Variants in FKTN observed in about 807,000 individuals in gnomAD.
The protein encoded by FKTN is ribitol-5-phosphate transferase FKTN.
FKTN carries 47 observed loss-of-function variants against 58.6 expected under a neutral mutation model. The observed-to-expected ratio is 0.80, with a 90% CI of 0.63 to 1.02. The LOEUF (loss-of-function observed/expected upper bound fraction) is 1.02. Ranked by LOEUF, FKTN falls within the 50% of genes least tolerant of loss-of-function variation. FKTN has a pLI of 0.00. For missense variants in FKTN, 516 were observed against 537.3 expected, an observed-to-expected ratio of 0.96 and a Z score of 0.39; for synonymous variants, 178 against 191.9, an observed-to-expected ratio of 0.93 and a Z score of 0.60.
chr9:105,598,532 A>G (rs1361452165), intron 4 of FKTN: 1 of 152,652 alleles, frequency 6.6e-6, no homozygotes, highest in Non-Finnish European at 1.5e-5. Context: ...TTATGGTCTC[A>G]GCATAATCTC....
At chr9:105,618,865 C>T (rs892875238) in intron 9 of FKTN, among the ~76,000 whole-genome samples, 3 of 151,678 alleles carry the variant, frequency 2.0e-5, no homozygotes, top group East Asian at 1.9e-4. Context: ...GTCAGGAGAT[C>T]GAGACCACAG....
In FKTN at chr9:105,635,145, T is replaced by C. The variant is rs199918689; in HGVS notation, c.1267T>C (p.Tyr423His). 6.2e-7 allele frequency: 1 copy of C among 1,614,092 alleles called. No homozygotes were observed. The highest frequency in any genetic ancestry group is 8.5e-7 in the Non-Finnish European group (1 of 1,179,922). Reference protein sequence around the residue: ...CETLEYIEANYGKTWKIPVKT... With the variant: ...CETLEYIEANHGKTWKIPVKT... ...AACCCTCGAATACATTGAAGCCAACTATGGTAAGACCTGGAAGATTCCTGT... is the reference window on the plus strand; with the variant it reads ...AACCCTCGAATACATTGAAGCCAACCATGGTAAGACCTGGAAGATTCCTGT... The change falls in exon 11 of 11, where the codon TAT (tyrosine) becomes CAT (histidine). Residue 423 changes from tyrosine (Y) to histidine (H), a missense_variant. Tyr to His is a moderately conservative substitution (Grantham distance 83). Coordinates refer to ENST00000357998, the MANE Select transcript of FKTN (RefSeq NM_001079802.2).
chr9:105,566,007 G>A (rs550924679), intron 1 of FKTN, among the ~76,000 whole-genome samples: 30 of 152,196 alleles, frequency 2.0e-4, no homozygotes, highest in African/African-American at 6.3e-4. Context: ...ACTCAAAACC[G>A]CTCAAATACA....
chr9:105,638,453 T>G lies in FKTN; in HGVS notation c.*3189T>G. The G allele has an allele frequency of 2.0e-6, 2 of 985,398 alleles. No homozygotes were observed. The highest frequency in any genetic ancestry group is 2.4e-6 in the Non-Finnish European group (2 of 829,932). The allele number at this position is 985,398 out of a possible 1,614,324, so 61.0% of individuals were successfully genotyped here. A position where few individuals can be genotyped will look rare whatever the true frequency, so the allele number is the denominator to read the frequency against. On this transcript the variant is annotated 3_prime_UTR_variant, in exon 11 of 11. Coordinates refer to ENST00000357998, the MANE Select transcript of FKTN (RefSeq NM_001079802.2). ...AGTTCACATCTGGAGACATCAGCCT[T>G]TGGTACCTAATTCTCTAAGCTCAAG...
Position 105,565,338 on chromosome 9 carries a change from A to T in FKTN, c.-181+7173A>T, listed in dbSNP as rs141272300. Among the ~76,000 whole-genome samples the T allele has an allele frequency of 4.5e-4, 68 of 152,312 alleles. 1 individual carries two copies. The highest frequency in any genetic ancestry group is 1.5e-3 in the African/African-American group (62 of 41,532). On this transcript the variant is annotated intron_variant, in intron 1 of 10. Transcript: ENST00000357998. ...GTAAATGGGCTAAATGCCCCAAGTA[A>T]AAGACACAGACTGGCAAATTGGATA...
intron 3 of FKTN, among the ~76,000 whole-genome samples, chr9:105,589,177 C>T (rs1241354723): frequency 1.3e-5 from 2 of 152,146 alleles, no homozygotes; most frequent in Non-Finnish European, 2.9e-5. Context: ...GTAACATTTG[C>T]AAAAGTTATT....
chr9:105,562,518 T>C (rs1838492366), intron 1 of FKTN, among the ~76,000 whole-genome samples: 1 of 152,226 alleles, frequency 6.6e-6, no homozygotes, highest in South Asian at 2.1e-4. Flanking sequence ...AGGGAAAATA[T>C]AAATCCTGTG....
chr9:105,606,507 C>T (rs987372300), intron 6 of FKTN, among the ~76,000 whole-genome samples: 18 of 151,632 alleles, frequency 1.2e-4, no homozygotes, highest in Non-Finnish European at 1.8e-4. Flanking sequence ...TTGAAATCAG[C>T]GATAATGATG....
intron 7 of FKTN, 150 bp from the exon 8 acceptor site, chr9:105,615,128 C>A: frequency 1.3e-6 from 1 of 767,310 alleles, no homozygotes; most frequent in East Asian, 2.7e-5. Flanking sequence ...AAGTGATCCA[C>A]CTGCCTTGGC....
At chr9:105,634,954 G>A (rs539294453) in intron 10 of FKTN, 97 bp from the exon 11 acceptor site, 1 of 935,576 alleles carries the variant, frequency 1.1e-6, no homozygotes, top group Non-Finnish European at 1.8e-6. Context: ...TGTGTAATGG[G>A]AGAGCACTGT....
intron 1 of FKTN, among the ~76,000 whole-genome samples, chr9:105,563,070 G>T (rs760103171): frequency 3.5e-4 from 54 of 152,296 alleles, no homozygotes; most frequent in Non-Finnish European, 6.2e-4. Context: ...GTCTGGGGCT[G>T]GAGGAGGTGT....
At chr9:105,570,131 C>G (rs925688375) in intron 1 of FKTN, among the ~76,000 whole-genome samples, 2 of 151,556 alleles carry the variant, frequency 1.3e-5, no homozygotes, top group Non-Finnish European at 2.9e-5. Flanking sequence ...GCTTTAAACT[C>G]TTTTAAAAAT....
At chr9:105,610,455 G>A (rs994015816) in intron 7 of FKTN, among the ~76,000 whole-genome samples, 4 of 151,902 alleles carry the variant, frequency 2.6e-5, no homozygotes, top group African/African-American at 4.8e-5. Context: ...TTTTCAAATC[G>A]TGAGAAATCT....
intron 4 of FKTN, among the ~76,000 whole-genome samples, chr9:105,600,076 G>A (rs939021556): frequency 7.9e-5 from 12 of 152,082 alleles, no homozygotes; most frequent in Admixed American, 7.9e-4. Flanking sequence ...TGTCATCTAA[G>A]TTGAATTTTT....
At chr9:105,559,910 GAGGC>G (rs1021573529) in intron 1 of FKTN, among the ~76,000 whole-genome samples, 1 of 152,030 alleles carries the variant, frequency 6.6e-6, no homozygotes, top group Admixed American at 6.6e-5. Context: ...ATTATTGAAG[GAGGC>G]ATGTGGATCT....
chr9:105,560,613 T>G (rs1168621179), intron 1 of FKTN, among the ~76,000 whole-genome samples: 2 of 152,256 alleles, frequency 1.3e-5, no homozygotes, highest in Non-Finnish European at 2.9e-5. Flanking sequence ...TTAATATTTT[T>G]GGGAACATTC....
At chr9:105,580,549 T>C (rs1842692837) in intron 3 of FKTN, among the ~76,000 whole-genome samples, 1 of 107,716 alleles carries the variant, frequency 9.3e-6, no homozygotes, top group Non-Finnish European at 1.9e-5. Flanking sequence ...GTTAGTCTGA[T>C]GGGCTTCCCT....
chr9:105,566,433 A>G (rs910973323), intron 1 of FKTN, among the ~76,000 whole-genome samples: 1 of 152,166 alleles, frequency 6.6e-6, no homozygotes, highest in Non-Finnish European at 1.5e-5. Context: ...AGAGAGAAGA[A>G]TGAAATAGAC....
At chr9:105,612,274 A>G (rs1368120040) in intron 7 of FKTN, among the ~76,000 whole-genome samples, 1 of 152,206 alleles carries the variant, frequency 6.6e-6, no homozygotes, top group Non-Finnish European at 1.5e-5. Flanking sequence ...GATGCTGGAT[A>G]TTAGACCTAA....
Sources: gnomAD v4.1 joint callset for allele counts (sites outside exome capture counted in the v4.1 genomes callset) on GRCh38, gnomAD v4.1.1 for gene constraint, MANE v1.5 for transcripts, NCBI Gene and HGNC (gene_info 2026-07-23, HGNC 2026-07-21) for gene names.